FARS2: variants seen among roughly 807,000 people sequenced by gnomAD.
FARS2 encodes phenylalanyl-tRNA synthetase 2, mitochondrial.
A neutral mutation model predicts 46.4 loss-of-function variants in FARS2; 40 were observed. The observed-to-expected ratio is 0.86, with a 90% CI of 0.67 to 1.12. The LOEUF (loss-of-function observed/expected upper bound fraction) is 1.12. FARS2 is among the 50% of genes most tolerant of loss of function. The pLI is 0.00. For missense variants in FARS2, 513 were observed against 567.9 expected (o/e 0.90, Z 0.98); for synonymous variants, 234 against 214.9 (o/e 1.09, Z -0.78).
chr6:5,576,692 AT>A (rs1773004181), intron 5 of FARS2, among the ~76,000 whole-genome samples: 1 of 149,976 alleles, frequency 6.7e-6, no homozygotes, highest in South Asian at 2.1e-4. Context: ...AGTAATTGAC[AT>A]TCTTTTATAA....
At chr6:5,407,403 G>GT (rs1000090665) in intron 3 of FARS2, among the ~76,000 whole-genome samples, 8 of 152,040 alleles carry the variant, frequency 5.3e-5, no homozygotes, top group Non-Finnish European at 1.0e-4. Context: ...TTTTAGCAAG[G>GT]TTTTTTAGAA....
chr6:5,608,370 A>T (rs550408329), intron 5 of FARS2, among the ~76,000 whole-genome samples: 1 of 152,298 alleles, frequency 6.6e-6, no homozygotes, highest in African/African-American at 2.4e-5. Flanking sequence ...GAGACAGAGC[A>T]CTGCTGATGG....
chr6:5,568,249 G>C (rs2150553362), intron 5 of FARS2, among the ~76,000 whole-genome samples: 1 of 152,240 alleles, frequency 6.6e-6, no homozygotes, highest in East Asian at 1.9e-4. Flanking sequence ...CATAGCAAGG[G>C]GGAAATGGTC....
chr6:5,627,337 A>G (rs1259349145), intron 6 of FARS2, among the ~76,000 whole-genome samples: 3 of 152,220 alleles, frequency 2.0e-5, no homozygotes, highest in African/African-American at 7.2e-5. Flanking sequence ...ACTTTCCCCT[A>G]AAGGAAATAA....
chr6:5,454,631 A>C (rs1455632908), intron 4 of FARS2, among the ~76,000 whole-genome samples: 1 of 152,178 alleles, frequency 6.6e-6, no homozygotes, highest in East Asian at 1.9e-4. Flanking sequence ...GGCGTGAGCC[A>C]CTGAGCCTGG....
intron 1 of FARS2, among the ~76,000 whole-genome samples, chr6:5,269,332 C>T (rs1765779371): frequency 8.0e-6 from 1 of 124,428 alleles, no homozygotes; most frequent in African/African-American, 3.3e-5. Context: ...ACACCGGGGC[C>T]TGTGGTGGGG....
In FARS2 at chr6:5,376,479, A is replaced by G. The variant is rs566195580; in HGVS notation, c.612+7297A>G. Reference sequence around the variant, plus strand: ...TTGGAGGGTAATTTGGTAGTTTCCAATGAAAACAAAAATTGTATGCTATGT... The same window carrying G: ...TTGGAGGGTAATTTGGTAGTTTCCAGTGAAAACAAAAATTGTATGCTATGT... On this transcript the variant is annotated intron_variant, in intron 2 of 6. Transcript: ENST00000274680. 1.2e-3 allele frequency among the ~76,000 whole-genome samples: 185 copies of G among 152,282 alleles called. 1 individual carries two copies. The highest frequency in any genetic ancestry group is 4.3e-3 in the African/African-American group (177 of 41,572).
chr6:5,733,754 C>T (rs1760786511), intron 6 of FARS2, among the ~76,000 whole-genome samples: 1 of 152,196 alleles, frequency 6.6e-6, no homozygotes, highest in South Asian at 2.1e-4. Context: ...ATAGCTGCCA[C>T]ACACTGATAG....
At chr6:5,565,523 T>C (rs1398279006) in intron 5 of FARS2, among the ~76,000 whole-genome samples, 1 of 152,242 alleles carries the variant, frequency 6.6e-6, no homozygotes, top group Non-Finnish European at 1.5e-5. Context: ...AGGACAGTTA[T>C]AGTTAAAAAT....
At chr6:5,492,156 A>G (rs1299777211) in intron 4 of FARS2, among the ~76,000 whole-genome samples, 1 of 152,260 alleles carries the variant, frequency 6.6e-6, no homozygotes, top group Non-Finnish European at 1.5e-5. Flanking sequence ...TCACTTAATT[A>G]AATGACTTTT....
At chr6:5,285,822 C>T (rs535399012) in intron 1 of FARS2, among the ~76,000 whole-genome samples, 3 of 152,228 alleles carry the variant, frequency 2.0e-5, no homozygotes, top group Non-Finnish European at 4.4e-5. Flanking sequence ...AGAGGCCTCG[C>T]GGCATTCCCT....
At chr6:5,553,270 G>A (rs1270030954) in intron 5 of FARS2, among the ~76,000 whole-genome samples, 1 of 152,162 alleles carries the variant, frequency 6.6e-6, no homozygotes, top group Non-Finnish European at 1.5e-5. Flanking sequence ...GGATGGATGG[G>A]TAGTGGCTGC....
intron 4 of FARS2, among the ~76,000 whole-genome samples, chr6:5,538,592 G>A (rs1770366404): frequency 1.3e-5 from 2 of 152,128 alleles, no homozygotes; most frequent in Admixed American, 6.5e-5. Context: ...CTGTTCCCAA[G>A]ATCCGAAGTC....
At chr6:5,713,204 C>T (rs1171040605) in intron 6 of FARS2, among the ~76,000 whole-genome samples, 1 of 152,226 alleles carries the variant, frequency 6.6e-6, no homozygotes, top group African/African-American at 2.4e-5. Flanking sequence ...GCAAGTTATA[C>T]ACAGTGTATG....
chr6:5,364,143 G>A (rs1758497684), intron 1 of FARS2, among the ~76,000 whole-genome samples: 1 of 152,030 alleles, frequency 6.6e-6, no homozygotes, highest in African/African-American at 2.4e-5. Context: ...AAATCTCTGG[G>A]TCACTTTTAA....
intron 4 of FARS2, among the ~76,000 whole-genome samples, chr6:5,487,196 G>A (rs1322503840): frequency 6.6e-6 from 1 of 152,086 alleles, no homozygotes; most frequent in Non-Finnish European, 1.5e-5. Context: ...TGTTTCCCTG[G>A]ACCTCCGGGT....
chr6:5,388,975 C>A (rs1268672168), intron 2 of FARS2, among the ~76,000 whole-genome samples: 1 of 151,930 alleles, frequency 6.6e-6, no homozygotes, highest in Non-Finnish European at 1.5e-5. Flanking sequence ...TCCATGGGCC[C>A]CTTTGGGTTT....
At chr6:5,541,234 C>A (rs1033990547) in intron 4 of FARS2, among the ~76,000 whole-genome samples, 2 of 152,146 alleles carry the variant, frequency 1.3e-5, no homozygotes, top group Admixed American at 6.5e-5. Context: ...AAGGAGATAA[C>A]CACAGAGGCT....
At chr6:5,257,848 T>G (rs1158667226), upstream of FARS2, among the ~76,000 whole-genome samples, 5 of 152,160 alleles carry the variant, frequency 3.3e-5, no homozygotes, top group Non-Finnish European at 7.4e-5. Flanking sequence ...ATAGCTGTGA[T>G]ATAGCACTGG....
Sources: gnomAD v4.1 joint callset for allele counts (sites outside exome capture counted in the v4.1 genomes callset) on GRCh38, gnomAD v4.1.1 for gene constraint, MANE v1.5 for transcripts, NCBI Gene and HGNC (gene_info 2026-07-23, HGNC 2026-07-21) for gene names.